CFAP299: variants seen among roughly 807,000 people sequenced by gnomAD.
The protein encoded by CFAP299 is cilia and flagella associated protein 299.
In CFAP299, 21 loss-of-function variants were observed where a neutral mutation model predicts 27.0. The observed-to-expected ratio is 0.78, with a 90% CI of 0.55 to 1.12. The LOEUF (loss-of-function observed/expected upper bound fraction) is 1.12, where lower values mean the gene tolerates loss of function less well. Ranked by LOEUF, CFAP299 falls within the 50% of genes most tolerant of loss-of-function variation. The pLI is 0.00. For missense variants in CFAP299, 310 were observed against 276.6 expected, an observed-to-expected ratio of 1.12 and a Z score of -0.86; for synonymous variants, 104 against 98.1, an observed-to-expected ratio of 1.06 and a Z score of -0.36.
At chr4:80,408,504 G>C (rs1337530101) in intron 2 of CFAP299, among the ~76,000 whole-genome samples, 3 of 151,814 alleles carry the variant, frequency 2.0e-5, no homozygotes, top group Middle Eastern at 3.4e-3. Context: ...CTTTTTATTT[G>C]GAGGAACATT....
chr4:80,402,991 G>A (rs1726238201), intron 2 of CFAP299, among the ~76,000 whole-genome samples: 1 of 152,184 alleles, frequency 6.6e-6, no homozygotes, highest in African/African-American at 2.4e-5. Context: ...TTAGGCAATG[G>A]AGCTTTTGGT....
chr4:80,951,282 C>G (rs945647928), intron 5 of CFAP299, among the ~76,000 whole-genome samples: 2 of 152,068 alleles, frequency 1.3e-5, no homozygotes, highest in African/African-American at 4.8e-5. Context: ...AAACAAAAAA[C>G]AGTATTATAG....
chr4:80,598,844 A>G (rs1261191506), intron 3 of CFAP299, among the ~76,000 whole-genome samples: 2 of 152,220 alleles, frequency 1.3e-5, no homozygotes, highest in African/African-American at 2.4e-5. Context: ...AAATCGTAAG[A>G]GAATACACCT....
intron 4 of CFAP299, among the ~76,000 whole-genome samples, chr4:80,879,280 T>C (rs1419774609): frequency 6.6e-6 from 1 of 152,084 alleles, no homozygotes; most frequent in Non-Finnish European, 1.5e-5. Context: ...ATAAGTCTAG[T>C]GATAATTGGA....
chr4:80,855,675 C>A (rs1316726475), intron 3 of CFAP299, among the ~76,000 whole-genome samples: 1 of 152,046 alleles, frequency 6.6e-6, no homozygotes, highest in Non-Finnish European at 1.5e-5. Flanking sequence ...TTTGTTCTTG[C>A]GATAGTTTAC....
At chr4:80,445,882 A>C (rs1728592013) in intron 2 of CFAP299, among the ~76,000 whole-genome samples, 1 of 152,216 alleles carries the variant, frequency 6.6e-6, no homozygotes, top group African/African-American at 2.4e-5. Flanking sequence ...GGTTTATTAC[A>C]GTAATAAATA....
At chr4:80,498,017 C>G (rs1731548831) in intron 2 of CFAP299, among the ~76,000 whole-genome samples, 1 of 151,962 alleles carries the variant, frequency 6.6e-6, no homozygotes, top group African/African-American at 2.4e-5. Context: ...GAAAAGATTC[C>G]CATTCAGTAA....
At chr4:80,635,845 T>C (rs1462357815) in intron 3 of CFAP299, among the ~76,000 whole-genome samples, 5 of 152,092 alleles carry the variant, frequency 3.3e-5, no homozygotes, top group African/African-American at 9.7e-5. Flanking sequence ...CCCTCACATA[T>C]AAAACTTTAC....
intron 2 of CFAP299, among the ~76,000 whole-genome samples, chr4:80,511,059 G>A (rs1732272805): frequency 1.3e-5 from 2 of 152,256 alleles, no homozygotes; most frequent in South Asian, 2.1e-4. Flanking sequence ...TAATTTTAAT[G>A]TTCCTATTTA....
At chr4:80,823,199 G>A (rs1160863008) in intron 3 of CFAP299, among the ~76,000 whole-genome samples, 1 of 152,072 alleles carries the variant, frequency 6.6e-6, no homozygotes, top group African/African-American at 2.4e-5. Context: ...AGAGAAAGAG[G>A]CTTAGGACTC....
At chr4:80,348,941 T>C (rs1465909795) in intron 1 of CFAP299, among the ~76,000 whole-genome samples, 3 of 152,102 alleles carry the variant, frequency 2.0e-5, no homozygotes, top group African/African-American at 4.8e-5. Context: ...TTTTATAGAG[T>C]TTTGACCTTA....
rs759353573 is a variant in CFAP299, at chr4:80,870,041, G to A, written c.382G>A (p.Gly128Arg). Residue 128 changes from glycine to arginine, a missense_variant, in exon 4 of 6, where the codon GGA becomes AGA. Physicochemically the swap from Gly to Arg is moderately radical, Grantham distance 125. Transcript: ENST00000358105. The part of the protein sequence containing the change: ...DRNSHGQEIS[G>R]YIDYAHRLKT... ...AAATTCTCATGGGCAAGAGATATCA[G>A]GATACATCGACTATGCCCACAGGCT... The A allele has an allele frequency of 1.9e-6, 3 of 1,613,568 alleles. No individual in the cohort carries two copies. The South Asian group carries it at 3.3e-5, about 18-fold the overall frequency.
rs75126928 is a variant in CFAP299 at position 80,362,342 on chromosome 4, CT to C, written c.112-400del. ...TGAGCTCTCTCAAAGCAGCTTGGTT[CT>C]TTTTTTTTTTTGCCATTGGTTTTTA... is the stretch of plus-strand genomic sequence containing the variant. On this transcript the variant is annotated intron_variant, in intron 1 of 5. Transcript: ENST00000358105. Among the ~76,000 whole-genome samples, 738 of 135,876 alleles carry C rather than the reference CT, an allele frequency of 5.4e-3. 3 individuals carry two copies. Among genetic ancestry groups the C allele is most frequent in the African/African-American group, 6.3e-3 (237 of 37,500 alleles). 89.1% of individuals were successfully genotyped at this position (135,876 alleles called of 152,430 possible).
intron 2 of CFAP299, among the ~76,000 whole-genome samples, chr4:80,469,705 T>G (rs1015869765): frequency 6.6e-6 from 1 of 152,086 alleles, no homozygotes; most frequent in African/African-American, 2.4e-5. Context: ...AAAGGTATCC[T>G]TGTTCATTTT....
At chr4:80,374,411 A>T (rs766059299) in intron 2 of CFAP299, among the ~76,000 whole-genome samples, 44 of 152,060 alleles carry the variant, frequency 2.9e-4, no homozygotes, top group Admixed American at 1.8e-3. Context: ...ATATCTCCTG[A>T]GGCACACACC....
At chr4:80,838,945 T>C (rs933120749) in intron 3 of CFAP299, among the ~76,000 whole-genome samples, 2 of 152,140 alleles carry the variant, frequency 1.3e-5, no homozygotes, top group African/African-American at 4.8e-5. Flanking sequence ...ATTTACATTA[T>C]ACTTTTACAA....
At chr4:80,632,635 T>C (rs1368057285) in intron 3 of CFAP299, among the ~76,000 whole-genome samples, 1 of 151,834 alleles carries the variant, frequency 6.6e-6, no homozygotes, top group Non-Finnish European at 1.5e-5. Context: ...TATATATACA[T>C]ATGAGAAAAC....
chr4:80,946,053 T>C (rs1737455513), intron 5 of CFAP299, among the ~76,000 whole-genome samples: 1 of 149,186 alleles, frequency 6.7e-6, no homozygotes, highest in Non-Finnish European at 1.5e-5. Flanking sequence ...TTCAGCAGGC[T>C]GAGGCAGGAG....
intron 3 of CFAP299, among the ~76,000 whole-genome samples, chr4:80,712,146 G>T (rs189689467): frequency 1.3e-5 from 2 of 152,190 alleles, no homozygotes; most frequent in Admixed American, 1.3e-4. Context: ...CTTCTTGAAG[G>T]CTAATGGTGC....
Sources: gnomAD v4.1 joint callset for allele counts (sites outside exome capture counted in the v4.1 genomes callset) on GRCh38, gnomAD v4.1.1 for gene constraint, MANE v1.5 for transcripts, NCBI Gene and HGNC (gene_info 2026-07-23, HGNC 2026-07-21) for gene names.